The following DPYD variants were observed in gnomAD, a reference collection of about 807,000 sequenced individuals.
DPYD encodes dihydropyrimidine dehydrogenase, also known as dihydropyrimidine dehydrogenase [NADP(+)].
In DPYD, 109 loss-of-function variants were observed where a neutral mutation model predicts 116.2. That is an observed-to-expected ratio of 0.94 (90% CI 0.80 to 1.10). The LOEUF (loss-of-function observed/expected upper bound fraction) is 1.10. DPYD is among the 50% of genes least tolerant of loss of function. DPYD has a pLI of 0.00. For synonymous variants in DPYD, 440 were observed against 432.0 expected (o/e 1.02, Z -0.23); for missense variants, 1,302 against 1,254.5 (o/e 1.04, Z -0.57).
At chr1:97,655,623 A>G (rs1658860473) in intron 8 of DPYD, among the ~76,000 whole-genome samples, 1 of 152,246 alleles carries the variant, frequency 6.6e-6, no homozygotes, top group Admixed American at 6.5e-5. Flanking sequence ...TGACAACAAT[A>G]AAAGTTAAAA....
At chr1:97,333,772 G>A (rs906538099) in intron 16 of DPYD, among the ~76,000 whole-genome samples, 2 of 151,772 alleles carry the variant, frequency 1.3e-5, no homozygotes, top group East Asian at 1.9e-4. Context: ...CACCCGCCTC[G>A]GCCTCCCAAA....
intron 13 of DPYD, among the ~76,000 whole-genome samples, chr1:97,502,076 T>C (rs909940511): frequency 2.0e-5 from 3 of 152,146 alleles, no homozygotes; most frequent in Admixed American, 2.0e-4. Flanking sequence ...TGATCCTTTA[T>C]CGCTTTTCTT....
At chr1:97,492,152 T>G (rs1679009605) in intron 13 of DPYD, among the ~76,000 whole-genome samples, 1 of 152,152 alleles carries the variant, frequency 6.6e-6, no homozygotes, top group African/African-American at 2.4e-5. Flanking sequence ...TTAAGCTCGA[T>G]ATAGTCATAA....
chr1:97,532,537 T>G (rs971314622), intron 12 of DPYD, among the ~76,000 whole-genome samples: 1 of 152,186 alleles, frequency 6.6e-6, no homozygotes, highest in South Asian at 2.1e-4. Flanking sequence ...TGGTTTTTTA[T>G]TACTGACTCA....
In DPYD at chr1:97,534,795, T is replaced by C. The variant is rs561455917; in HGVS notation, c.1524+14765A>G. Among the ~76,000 whole-genome samples, 12 of 152,180 alleles carry C rather than the reference T, an allele frequency of 7.9e-5. No individual in the cohort carries two copies. The South Asian group carries it at 2.5e-3, about 32-fold the overall frequency. ...TTTAAATGGGAAAATGGTTAATCCA[T>C]AGGTAATTTTGCACACAATGTGAAT... On this transcript the variant is annotated intron_variant, in intron 12 of 22. Coordinates refer to ENST00000370192, the MANE Select transcript of DPYD (RefSeq NM_000110.4).
rs376083007 is a variant in DPYD at position 97,708,421 on chromosome 1, T to C, written c.484-8874A>G. On this transcript the variant is annotated intron_variant, in intron 5 of 22. Coordinates refer to ENST00000370192, the MANE Select transcript of DPYD (RefSeq NM_000110.4). ...TGAAAGGACTATCCCTTCTCCATTA[T>C]ATTGCCTTTGCTCTTTTGTCAAAGA... Among the ~76,000 whole-genome samples, 27 of 152,228 alleles carry C rather than the reference T, an allele frequency of 1.8e-4. No individual in the cohort carries two copies. The East Asian group carries it at 1.9e-3, about 11-fold the overall frequency.
chr1:97,762,132 C>T (rs1266208969), intron 3 of DPYD, among the ~76,000 whole-genome samples: 1 of 152,014 alleles, frequency 6.6e-6, no homozygotes, highest in Non-Finnish European at 1.5e-5. Context: ...AACAACAAAC[C>T]TGCACATGGA....
intron 13 of DPYD, among the ~76,000 whole-genome samples, chr1:97,503,193 C>T (rs1220457554): frequency 6.6e-6 from 1 of 152,030 alleles, no homozygotes; most frequent in Non-Finnish European, 1.5e-5. Flanking sequence ...CTGTGGATCT[C>T]TGTTGTCTAT....
chr1:97,346,452 C>T (rs1558044978), intron 16 of DPYD, among the ~76,000 whole-genome samples: 1 of 151,482 alleles, frequency 6.6e-6, no homozygotes, highest in Non-Finnish European at 1.5e-5. Flanking sequence ...GTGTTTATTC[C>T]TAATTTATAT....
intron 1 of DPYD, among the ~76,000 whole-genome samples, chr1:97,885,931 C>G (rs1571530391): frequency 7.0e-6 from 1 of 142,176 alleles, no homozygotes; most frequent in Non-Finnish European, 1.5e-5. Flanking sequence ...CTGTCTTGAG[C>G]AAGCCAGTAA....
At chr1:97,920,253 G>A (rs1340130448) in intron 1 of DPYD, among the ~76,000 whole-genome samples, 1 of 152,136 alleles carries the variant, frequency 6.6e-6, no homozygotes, top group Non-Finnish European at 1.5e-5. Context: ...GAAACGGAGT[G>A]CAAGAGGGAA....
chr1:97,803,915 T>C (rs566067589), intron 3 of DPYD, among the ~76,000 whole-genome samples: 5 of 152,002 alleles, frequency 3.3e-5, no homozygotes, highest in South Asian at 2.1e-4. Flanking sequence ...CCACCTCATA[T>C]GTACCTGGAC....
chr1:97,852,281 C>G (rs1670610973), intron 2 of DPYD, among the ~76,000 whole-genome samples: 1 of 151,998 alleles, frequency 6.6e-6, no homozygotes, highest in South Asian at 2.1e-4. Context: ...TATAACATAA[C>G]AGTGCTTATT....
chr1:97,733,118 T>C (rs1181535895), intron 4 of DPYD, among the ~76,000 whole-genome samples: 1 of 151,962 alleles, frequency 6.6e-6, no homozygotes, highest in South Asian at 2.1e-4. Context: ...TATACTAGAG[T>C]AATTATTCAA....
intron 16 of DPYD, among the ~76,000 whole-genome samples, chr1:97,311,511 G>T (rs556155575): frequency 6.9e-4 from 105 of 151,784 alleles, no homozygotes; most frequent in Admixed American, 2.0e-4. Context: ...CAGATTGGGG[G>T]GTTGGGGGAA....
rs201999159 is a variant in DPYD at position 97,176,898 on chromosome 1, A to G, written c.2622+16171T>C. On this transcript the variant is annotated intron_variant, in intron 20 of 22. Coordinates refer to ENST00000370192, the MANE Select transcript of DPYD (RefSeq NM_000110.4). Reference sequence around the variant, plus strand: ...TGTGTGTGTGTGTGTGTGTGTGTGTAGGGGGGGTGTCCTAAAAGATTAACT... The same window carrying G: ...TGTGTGTGTGTGTGTGTGTGTGTGTGGGGGGGGTGTCCTAAAAGATTAACT... Among the ~76,000 whole-genome samples, 1,067 of 110,188 alleles carry G rather than the reference A, an allele frequency of 9.7e-3. 8 individuals are homozygous for G. Among genetic ancestry groups the G allele is most frequent in the Non-Finnish European group, 0.016 (743 of 45,908 alleles). 72.3% of individuals were successfully genotyped at this position (110,188 alleles called of 152,430 possible). A position where few individuals can be genotyped will look rare whatever the true frequency, so the allele number is the denominator to read the frequency against.
chr1:97,916,562 C>T (rs1314679543), intron 1 of DPYD, among the ~76,000 whole-genome samples: 1 of 152,098 alleles, frequency 6.6e-6, no homozygotes, highest in Non-Finnish European at 1.5e-5. Context: ...AAGGAGGCTA[C>T]CAAATTCCAG....
chr1:97,748,762 T>C (rs1664701110), intron 3 of DPYD, among the ~76,000 whole-genome samples: 1 of 152,240 alleles, frequency 6.6e-6, no homozygotes, highest in Non-Finnish European at 1.5e-5. Flanking sequence ...CATGTCAATC[T>C]CATCAGTGGT....
At chr1:97,712,904 C>T (rs1662372966) in intron 5 of DPYD, among the ~76,000 whole-genome samples, 1 of 152,064 alleles carries the variant, frequency 6.6e-6, no homozygotes, top group Non-Finnish European at 1.5e-5. Flanking sequence ...GGAGCTGAGT[C>T]CAGTCCTCTA....
Sources: allele counts gnomAD v4.1 joint callset (sites outside exome capture counted in the v4.1 genomes callset), GRCh38; gene constraint gnomAD v4.1.1; transcripts MANE v1.5; gene names NCBI Gene and HGNC (gene_info 2026-07-23, HGNC 2026-07-21).